Variants in PPIG observed in about 807,000 individuals in gnomAD.
PPIG encodes peptidylprolyl isomerase G.
PPIG carries 26 observed loss-of-function variants against 87.9 expected under a neutral mutation model. That is an observed-to-expected ratio of 0.30 (90% CI 0.22 to 0.41). The LOEUF is 0.41. Among genes scored for constraint, PPIG ranks in the 10% least tolerant of loss-of-function variants. PPIG has a pLI of 1.00. For synonymous variants in PPIG, 308 were observed against 276.5 expected, an observed-to-expected ratio of 1.11 and a Z score of -1.13; for missense variants, 722 against 879.4, an observed-to-expected ratio of 0.82 and a Z score of 2.26.
At chr2:169,620,240 A>T (rs1685709076) in intron 9 of PPIG, among the ~76,000 whole-genome samples, 1 of 152,060 alleles carries the variant, frequency 6.6e-6, no homozygotes, top group Non-Finnish European at 1.5e-5. Context: ...TCATTAAACC[A>T]TTTTTAGTTG....
chr2:169,617,250 T>C (rs1445597896), intron 9 of PPIG, among the ~76,000 whole-genome samples: 2 of 152,224 alleles, frequency 1.3e-5, no homozygotes, highest in Non-Finnish European at 2.9e-5. Context: ...CCATGCTGTT[T>C]TGGTTACTGT....
intron 9 of PPIG, among the ~76,000 whole-genome samples, chr2:169,619,756 T>C (rs545081505): frequency 1.3e-5 from 2 of 152,170 alleles, no homozygotes; most frequent in South Asian, 4.1e-4. Context: ...GTTTTCTTTT[T>C]TTTTTATAAT....
At chr2:169,584,876 C>T (rs1275606952) in intron 1 of PPIG, 1 of 270,542 alleles carries the variant, frequency 3.7e-6, no homozygotes, top group Admixed American at 5.4e-5. Context: ...GCTTCAAAAT[C>T]CTAAGACTCA....
intron 10 of PPIG, chr2:169,631,374 T>C (rs1343730545): frequency 3.6e-6 from 1 of 276,388 alleles, no homozygotes. Context: ...TATTTTACTT[T>C]CTTTTCCATT....
intron 9 of PPIG, among the ~76,000 whole-genome samples, chr2:169,622,839 G>C (rs1235542022): frequency 6.6e-6 from 1 of 152,052 alleles, no homozygotes; most frequent in African/African-American, 2.4e-5. Flanking sequence ...AAGTTTGATG[G>C]CCTTCTTAAT....
chr2:169,633,130 T>A (rs1236161255), intron 11 of PPIG, 30 bp from the exon 12 acceptor site: 3 of 1,511,054 alleles, frequency 2.0e-6, no homozygotes, highest in South Asian at 1.1e-5. Flanking sequence ...TTTAAAAAAA[T>A]GTGTTAACTT....
At position 169,637,544 on chromosome 2, in the gene PPIG, T is replaced by A; in HGVS notation, c.*21T>A. On this transcript the variant is annotated 3_prime_UTR_variant, in exon 14 of 14. Coordinates refer to ENST00000260970, the MANE Select transcript of PPIG (RefSeq NM_004792.3). ...GATGAGTGAGTTATATAAACTTACT[T>A]CCATTCTGTTTCGGATTTTAAGTTT... The A allele has an allele frequency of 2.6e-6, 4 of 1,513,846 alleles. No homozygotes were observed. The highest frequency in any genetic ancestry group is 2.6e-6 in the Non-Finnish European group (3 of 1,139,036). 93.8% of individuals were successfully genotyped at this position (1,513,846 alleles called of 1,614,324 possible).
intron 2 of PPIG, 129 bp from the exon 3 acceptor site, chr2:169,603,897 A>T (rs991076359): frequency 1.8e-5 from 13 of 709,772 alleles, no homozygotes; most frequent in Non-Finnish European, 3.0e-5. Context: ...GATTTACCTC[A>T]TAGAAATAAA....
At chr2:169,589,664 G>A (rs1402401789) in intron 1 of PPIG, among the ~76,000 whole-genome samples, 1 of 151,982 alleles carries the variant, frequency 6.6e-6, no homozygotes, top group Non-Finnish European at 1.5e-5. Context: ...TTTTTTGGGG[G>A]GGGTTGTTTT....
rs1235205540 is a variant in PPIG at position 169,612,877 on chromosome 2, G to T, written c.378-1587G>T. On this transcript the variant is annotated intron_variant, in intron 7 of 13. Transcript: ENST00000260970. ...CTAGGAGTGAATTGGTGGGTTATAT[G>T]CTAATACTCTGTTTAGCTTTGTGAG... Among the ~76,000 whole-genome samples, 3 of 152,064 alleles carry T rather than the reference G, an allele frequency of 2.0e-5. No homozygotes were observed. In the East Asian group the frequency reaches 5.8e-4, roughly 29 times the overall value.
intron 12 of PPIG, among the ~76,000 whole-genome samples, chr2:169,633,951 C>T (rs760649101): frequency 7.9e-5 from 12 of 152,044 alleles, no homozygotes; most frequent in Middle Eastern, 3.2e-3. Context: ...CCTCAGCTCC[C>T]CCTAGTAGCT....
intron 1 of PPIG, among the ~76,000 whole-genome samples, chr2:169,602,720 C>G (rs906043757): frequency 3.3e-5 from 5 of 152,124 alleles, no homozygotes; most frequent in Non-Finnish European, 7.4e-5. Context: ...AAAATCCATG[C>G]TAAAACTTTT....
intron 7 of PPIG, among the ~76,000 whole-genome samples, chr2:169,610,228 G>A (rs1685449383): frequency 6.6e-6 from 1 of 152,152 alleles, no homozygotes; most frequent in Non-Finnish European, 1.5e-5. Flanking sequence ...CAACATTTCT[G>A]TTCTTTATTG....
At chr2:169,594,632 T>TC (rs1684968665) in intron 1 of PPIG, among the ~76,000 whole-genome samples, 2 of 144,504 alleles carry the variant, frequency 1.4e-5, no homozygotes, top group African/African-American at 5.1e-5. Flanking sequence ...TTTCTTTTTT[T>TC]TTTTTTTTTT....
In PPIG at chr2:169,593,126, G is replaced by GTATA. The variant is rs35247968; in HGVS notation, c.-70+8650_-70+8653dup. Among the ~76,000 whole-genome samples the GTATA allele has an allele frequency of 3.8e-3, 564 of 149,498 alleles. 1 individual carries two copies. Among genetic ancestry groups the GTATA allele is most frequent in the South Asian group, 9.4e-3 (44 of 4,696 alleles). On this transcript the variant is annotated intron_variant, in intron 1 of 13. Transcript: ENST00000260970. ...ATTATAATGTTAGAAGACTGTGTGTGTATATATATATATATATCTTAGGAA... is the reference window on the plus strand; with the variant it reads ...ATTATAATGTTAGAAGACTGTGTGTGTATATATATATATATATATATCTTAGGAA...
chr2:169,619,533 G>C (rs1187674843), intron 9 of PPIG, among the ~76,000 whole-genome samples: 1 of 152,130 alleles, frequency 6.6e-6, no homozygotes, highest in Non-Finnish European at 1.5e-5. Flanking sequence ...CTAAGAACTT[G>C]CTTTATGAAT....
Position 169,636,224 on chromosome 2 carries a change from GA to G in PPIG, c.1151del (p.Asp384ValfsTer5), listed in dbSNP as rs1417528567. 6.3e-7 allele frequency: 1 copy of G among 1,591,262 alleles called. No homozygotes were observed. On this transcript the variant is annotated frameshift_variant, in exon 13 of 14. Transcript: ENST00000260970. LOFTEE classifies it high-confidence loss of function. ...VSSGERWIKG[D>X]KSELNEIKEN... is the part of the protein sequence containing the mutation. ...AAGTGGTGAAAGATGGATCAAGGGG[GA>G]TAAGTAAGATTTAACTATTATTATT... is the stretch of plus-strand genomic sequence containing the variant.
At chr2:169,628,939 C>CAAAAAAAAAAAAAAA (rs71006010) in intron 9 of PPIG, among the ~76,000 whole-genome samples, 7 of 92,328 alleles carry the variant, frequency 7.6e-5, no homozygotes, top group African/African-American at 2.9e-4. Context: ...ACCCTGTCTC[C>CAAAAAAAAAAAAAAA]AAAAAAAAAA....
At chr2:169,616,415 A>T (rs939180722) in intron 9 of PPIG, among the ~76,000 whole-genome samples, 5 of 152,204 alleles carry the variant, frequency 3.3e-5, no homozygotes, top group Non-Finnish European at 5.9e-5. Flanking sequence ...TCCTTGAGGA[A>T]TCGCCACACT....
Sources: allele counts gnomAD v4.1 joint callset (sites outside exome capture counted in the v4.1 genomes callset), GRCh38; gene constraint gnomAD v4.1.1; transcripts MANE v1.5; gene names NCBI Gene and HGNC (gene_info 2026-07-23, HGNC 2026-07-21).